The following DOCK1 variants were observed in gnomAD, a reference collection of about 807,000 sequenced individuals.
DOCK1 encodes dedicator of cytokinesis 1, also known as dedicator of cytokinesis protein 1.
Under a neutral mutation model 262.7 loss-of-function variants are expected in DOCK1, and 138 were observed. The observed-to-expected ratio is 0.53, with a 90% CI of 0.46 to 0.61. The LOEUF (loss-of-function observed/expected upper bound fraction) is 0.61, where lower values mean the gene tolerates loss of function less well. DOCK1 is among the 20% of genes least tolerant of loss of function. DOCK1 has a pLI of 0.00. For missense variants in DOCK1, 1,908 were observed against 2,370.7 expected, an observed-to-expected ratio of 0.80 and a Z score of 4.05; for synonymous variants, 866 against 867.4, an observed-to-expected ratio of 1.00 and a Z score of 0.03.
intron 10 of DOCK1, among the ~76,000 whole-genome samples, chr10:127,003,751 C>T (rs755216552): frequency 2.6e-5 from 4 of 152,066 alleles, no homozygotes; most frequent in East Asian, 1.9e-4. Flanking sequence ...TTTGGGTGTT[C>T]GAGACCAGCC....
intron 15 of DOCK1, 33 bp from the exon 16 acceptor site, chr10:127,026,319 A>G: frequency 1.3e-6 from 2 of 1,545,868 alleles, no homozygotes; most frequent in African/African-American, 2.7e-5. Flanking sequence ...GATATTGATA[A>G]CAGTGCTTAA....
At chr10:127,079,908 G>C (rs956860019) in intron 23 of DOCK1, among the ~76,000 whole-genome samples, 1 of 152,140 alleles carries the variant, frequency 6.6e-6, no homozygotes, top group Admixed American at 6.5e-5. Context: ...TCCAGCCTGG[G>C]CGACAAGAAT....
chr10:127,301,961 GA>G (rs920213970), intron 29 of DOCK1, among the ~76,000 whole-genome samples: 21 of 145,674 alleles, frequency 1.4e-4, no homozygotes, highest in African/African-American at 4.3e-4. Context: ...AAAAAAAAAA[GA>G]AAAAAAAATG....
chr10:127,248,949 G>A (rs1044053098), intron 28 of DOCK1, among the ~76,000 whole-genome samples: 2 of 152,110 alleles, frequency 1.3e-5, no homozygotes, highest in Non-Finnish European at 2.9e-5. Context: ...TAGGTTGCAT[G>A]CTCCTTATGA....
intron 23 of DOCK1, among the ~76,000 whole-genome samples, chr10:127,071,461 A>C (rs11016009): frequency 0.041 from 6,273 of 152,362 alleles, 328 homozygotes; most frequent in East Asian, 0.21. Context: ...ACAGTAGCTG[A>C]AATGAAAATC....
At chr10:127,025,323 A>G (rs767204954) in intron 15 of DOCK1, 1 of 152,282 alleles carries the variant, frequency 6.6e-6, no homozygotes, top group Non-Finnish European at 1.5e-5. Context: ...GGCAGCATGT[A>G]TTAGGTCTTT....
intron 2 of DOCK1, among the ~76,000 whole-genome samples, chr10:126,974,683 T>C (rs1394237420): frequency 2.6e-5 from 4 of 152,140 alleles, no homozygotes; most frequent in African/African-American, 9.7e-5. Flanking sequence ...TCCTCTCTCC[T>C]TCATGCCGAA....
At chr10:127,112,747 C>A (rs754883235) in intron 25 of DOCK1, among the ~76,000 whole-genome samples, 1 of 152,288 alleles carries the variant, frequency 6.6e-6, no homozygotes, top group East Asian at 1.9e-4. Flanking sequence ...GTCTTACAAG[C>A]AGCCCCAGAA....
At chr10:127,205,604 G>A (rs148722668) in intron 27 of DOCK1, among the ~76,000 whole-genome samples, 3 of 152,310 alleles carry the variant, frequency 2.0e-5, no homozygotes, top group East Asian at 1.9e-4. Flanking sequence ...TCTTCCATAC[G>A]TTAGGCCTGT....
In DOCK1 at chr10:126,999,340, C is replaced by G; in HGVS notation, c.768-14C>G. The G allele has an allele frequency of 3.7e-6, 6 of 1,607,470 alleles. No homozygotes were observed. The highest frequency in any genetic ancestry group is 4.3e-6 in the Non-Finnish European group (5 of 1,175,842). ...TTGGAAAATTAACTTGCTTTTATTT[C>G]TCCATTTTTCAAGTGAGAACTACCT... On this transcript the variant is annotated splice_polypyrimidine_tract_variant and intron_variant, in intron 8 of 51. Transcript: ENST00000623213.
At position 126,912,952 on chromosome 10, in the gene DOCK1, A is replaced by G. The variant is rs145064299; in HGVS notation, c.46+7389A>G. ...TGATTTTGATAACATAAGACTTTTC[A>G]TCTACAGTTTCCCTCTGTCTTTAGT... is the stretch of plus-strand genomic sequence containing the variant. On this transcript the variant is annotated intron_variant, in intron 1 of 51. Transcript: ENST00000623213. 1.1e-3 allele frequency among the ~76,000 whole-genome samples: 169 copies of G among 151,766 alleles called. 1 individual carries two copies. The highest frequency in any genetic ancestry group is 4.0e-3 in the African/African-American group (167 of 41,400).
intron 18 of DOCK1, among the ~76,000 whole-genome samples, chr10:127,033,320 C>T (rs61873979): frequency 0.046 from 6,969 of 152,288 alleles, 216 homozygotes; most frequent in Non-Finnish European, 0.068. Context: ...CAGCTGGTGC[C>T]GTGCCCTTGT....
intron 1 of DOCK1, among the ~76,000 whole-genome samples, chr10:126,939,683 A>C (rs1002091636): frequency 8.5e-5 from 13 of 152,178 alleles, no homozygotes; most frequent in Non-Finnish European, 1.8e-4. Context: ...TTTAGAAAAC[A>C]AACTCTTCAG....
chr10:127,179,149 G>A (rs2055473548), intron 27 of DOCK1, among the ~76,000 whole-genome samples: 1 of 152,202 alleles, frequency 6.6e-6, no homozygotes, highest in South Asian at 2.1e-4. Context: ...AGTTTGTCCT[G>A]CCATGCTATT....
chr10:127,123,088 T>A (rs1330000221), intron 25 of DOCK1, among the ~76,000 whole-genome samples: 2 of 152,212 alleles, frequency 1.3e-5, no homozygotes, highest in Non-Finnish European at 2.9e-5. Context: ...GGACACACCC[T>A]CCTTCCAGCC....
intron 27 of DOCK1, among the ~76,000 whole-genome samples, chr10:127,171,385 T>C (rs1457718757): frequency 6.6e-6 from 1 of 152,212 alleles, no homozygotes; most frequent in Non-Finnish European, 1.5e-5. Flanking sequence ...AAACATACAT[T>C]GCCCAGGGCC....
In DOCK1 at chr10:127,012,672, TG is replaced by T. The variant is rs1456156101; in HGVS notation, c.1201+299del. Among the ~76,000 whole-genome samples, 1 of 152,196 alleles carries T rather than the reference TG, an allele frequency of 6.6e-6. No individual in the cohort carries two copies. Among genetic ancestry groups the T allele is most frequent in the Non-Finnish European group, 1.5e-5 (1 of 68,036 alleles). On this transcript the variant is annotated intron_variant, in intron 12 of 51. Coordinates refer to ENST00000623213, the MANE Select transcript of DOCK1 (RefSeq NM_001290223.2). This position sits in a 1 kb window ranked among gnomAD's most constrained non-coding sequence, Gnocchi z 4.0. ...CGTAACTCCCTCTGCCCGTGTTGTG[TG>T]CTAATCTTTGCCTGTTCTGGGTCTT...
intron 10 of DOCK1, chr10:127,001,215 A>AT (rs2135160645): frequency 6.6e-6 from 1 of 152,236 alleles, no homozygotes; most frequent in African/African-American, 2.4e-5. Context: ...ACATAGCTGG[A>AT]TTTTTTTGTA....
chr10:127,186,515 G>T (rs58421021), intron 27 of DOCK1, among the ~76,000 whole-genome samples: 1 of 12,586 alleles, frequency 7.9e-5, no homozygotes, highest in African/African-American at 1.5e-4. Flanking sequence ...CCGCCCCCCC[G>T]CCCCCCCCCG....
Sources: gnomAD v4.1 joint callset for allele counts (sites outside exome capture counted in the v4.1 genomes callset) on GRCh38, gnomAD v4.1.1 for gene constraint, Gnocchi (gnomAD v3.1) non-coding constraint, MANE v1.5 for transcripts, NCBI Gene and HGNC (gene_info 2026-07-23, HGNC 2026-07-21) for gene names.